Variants in PHIP observed in about 807,000 individuals in gnomAD.
PHIP encodes PHIP subunit of CUL4-Ring ligase complex, also known as PH-interacting protein.
In PHIP, 54 loss-of-function variants were observed where a neutral mutation model predicts 236.8. The observed-to-expected ratio is 0.23, with a 90% CI of 0.18 to 0.29. The LOEUF (loss-of-function observed/expected upper bound fraction) is 0.29. Ranked by LOEUF, PHIP falls within the 10% of genes least tolerant of loss-of-function variation. The pLI, the probability that PHIP is intolerant of heterozygous loss-of-function variation, is 1.00. For missense variants in PHIP, 1,370 were observed against 2,190.8 expected, an observed-to-expected ratio of 0.63 and a Z score of 7.48; for synonymous variants, 756 against 718.9, an observed-to-expected ratio of 1.05 and a Z score of -0.83.
At chr6:79,000,666 C>T (rs894901280) in intron 17 of PHIP, among the ~76,000 whole-genome samples, 1 of 152,064 alleles carries the variant, frequency 6.6e-6, no homozygotes, top group East Asian at 1.9e-4. Context: ...AGACTGAAGA[C>T]ATTTCTCTTA....
chr6:79,037,182 T>C (rs1328272537), intron 7 of PHIP, among the ~76,000 whole-genome samples: 1 of 152,116 alleles, frequency 6.6e-6, no homozygotes, highest in Non-Finnish European at 1.5e-5. Context: ...AACTGACATG[T>C]CTCATCAGGC....
At chr6:78,945,819 C>T in intron 38 of PHIP, 182 bp downstream of exon 38, 1 of 615,778 alleles carries the variant, frequency 1.6e-6, no homozygotes, top group Non-Finnish European at 2.8e-6. Flanking sequence ...TCTATAATGA[C>T]CTAAACCTCA....
intron 23 of PHIP, among the ~76,000 whole-genome samples, chr6:78,982,330 T>C (rs1282943126): frequency 2.0e-5 from 3 of 152,062 alleles, no homozygotes; most frequent in Non-Finnish European, 2.9e-5. Context: ...CTAATTGTGG[T>C]AATCAAATCA....
At chr6:79,013,680 T>C (rs1475821763) in intron 15 of PHIP, among the ~76,000 whole-genome samples, 2 of 151,684 alleles carry the variant, frequency 1.3e-5, no homozygotes, top group African/African-American at 2.4e-5. Context: ...ACTTACCTGA[T>C]AAGGGAAAAT....
At chr6:78,966,129 C>T in intron 27 of PHIP, 73 bp from the exon 28 acceptor site, 1 of 877,506 alleles carries the variant, frequency 1.1e-6, no homozygotes, top group Non-Finnish European at 1.9e-6. Context: ...CTAACGTTAA[C>T]CTTTAAGTAC....
rs781690036 is a variant in PHIP at position 79,051,185 on chromosome 6, AG to A, written c.440-8183del. ...ATTAATCTGGGAAATTATTCAACAC[AG>A]GTTGGTTTACTCCTACAGTACCATC... On this transcript the variant is annotated intron_variant, in intron 6 of 39. Coordinates refer to ENST00000275034, the MANE Select transcript of PHIP (RefSeq NM_017934.7). 1.5e-3 allele frequency among the ~76,000 whole-genome samples: 226 copies of A among 152,270 alleles called. No individual in the cohort carries two copies. The Middle Eastern group carries it at 0.017, about 11-fold the overall frequency.
At chr6:78,941,742 C>G (rs1773512355) in intron 39 of PHIP, among the ~76,000 whole-genome samples, 1 of 152,250 alleles carries the variant, frequency 6.6e-6, no homozygotes, top group African/African-American at 2.4e-5. Context: ...AAAGTCCTAT[C>G]TCCTTGTGTA....
chr6:78,988,438 T>G, intron 20 of PHIP, 89 bp from the exon 21 acceptor site: 1 of 1,007,422 alleles, frequency 9.9e-7, no homozygotes, highest in Non-Finnish European at 1.4e-6. Flanking sequence ...TTAAAAAAAT[T>G]CAAGCTGGGC....
At chr6:78,948,428 C>A (rs2127684291) in intron 35 of PHIP, among the ~76,000 whole-genome samples, 1 of 152,250 alleles carries the variant, frequency 6.6e-6, no homozygotes, top group African/African-American at 2.4e-5. Flanking sequence ...AGAAAATTAT[C>A]ATAATATGGT....
rs767618585 is a variant in PHIP at position 79,016,551 on chromosome 6, G to C, written c.1228C>G (p.Pro410Ala). The change falls in exon 13 of 40, where the codon CCA becomes GCA. Residue 410 changes from proline (P) to alanine (A), a missense_variant. By Grantham distance (27) the Pro-to-Ala change is conservative. Transcript: ENST00000275034. The stretch of plus-strand genomic sequence containing the variant: ...TCAAATTTGACCTCTTACCCTGCTG[G>C]ACGAGTAGCCATATCCAACAAAATG... The part of the protein sequence containing the change: ...KSILLDMATR[P>A]AGQNLQGIED... 1.9e-5 allele frequency: 30 copies of C among 1,602,052 alleles called. No individual in the cohort carries two copies. The Admixed American group carries it at 3.8e-4, about 21-fold the overall frequency.
In PHIP at chr6:78,936,230, T is replaced by A. The variant is rs1773267993; in HGVS notation, c.*4463A>T. 1 of 151,996 alleles carries A rather than the reference T, an allele frequency of 6.6e-6. No homozygotes were observed. Among genetic ancestry groups the A allele is most frequent in the South Asian group, 2.1e-4 (1 of 4,834 alleles). The allele number at this position is 151,996 out of a possible 1,614,324, so 9.4% of individuals were successfully genotyped here. A position where few individuals can be genotyped will look rare whatever the true frequency, so the allele number is the denominator to read the frequency against. On this transcript the variant is annotated 3_prime_UTR_variant, in exon 40 of 40. Transcript: ENST00000275034. ...CATTGTTTTCTGTACAAAATAAGCA[T>A]AATCTTAATTTGAAAATGTGTCAGT... is the stretch of plus-strand genomic sequence containing the variant.
chr6:78,972,345 C>T (rs1179431729), intron 24 of PHIP, among the ~76,000 whole-genome samples: 3 of 152,156 alleles, frequency 2.0e-5, no homozygotes, highest in African/African-American at 7.2e-5. Context: ...AACTAACAAA[C>T]AGAAAGGACA....
chr6:78,949,837 C>A (rs566887436), intron 35 of PHIP, among the ~76,000 whole-genome samples: 22 of 152,080 alleles, frequency 1.4e-4, no homozygotes, highest in African/African-American at 5.1e-4. Flanking sequence ...TATAGGTGCA[C>A]GCCACTGCAC....
chr6:79,072,764 C>G (rs1773951736), intron 4 of PHIP, among the ~76,000 whole-genome samples: 1 of 152,112 alleles, frequency 6.6e-6, no homozygotes, highest in Non-Finnish European at 1.5e-5. Context: ...CACCTGGACT[C>G]TTCTGAAGTT....
At chr6:79,042,164 G>A (rs921675563) in intron 7 of PHIP, among the ~76,000 whole-genome samples, 4 of 151,950 alleles carry the variant, frequency 2.6e-5, no homozygotes, top group African/African-American at 9.7e-5. Context: ...GAATGTAGAT[G>A]TTAAGGCACC....
chr6:79,074,402 T>C (rs1774049155), intron 4 of PHIP, among the ~76,000 whole-genome samples: 1 of 152,044 alleles, frequency 6.6e-6, no homozygotes, highest in African/African-American at 2.4e-5. Context: ...CTTAATAAAC[T>C]AACTAGATTC....
Position 79,068,800 on chromosome 6 carries a change from T to C in PHIP, c.190-7982A>G, listed in dbSNP as rs1462024549. On this transcript the variant is annotated intron_variant, in intron 4 of 39. Coordinates refer to ENST00000275034, the MANE Select transcript of PHIP (RefSeq NM_017934.7). The stretch of plus-strand genomic sequence containing the variant: ...TTTAACAACCTTTTCAAAGTGATGT[T>C]AGATCAATATATTCATTCCAATTAT... Among the ~76,000 whole-genome samples, 4 of 152,208 alleles carry C rather than the reference T, an allele frequency of 2.6e-5. No homozygotes were observed. The South Asian group carries it at 6.2e-4, about 24-fold the overall frequency.
In PHIP at chr6:79,067,635, C is replaced by T. The variant is rs537047777; in HGVS notation, c.190-6817G>A. On this transcript the variant is annotated intron_variant, in intron 4 of 39. Transcript: ENST00000275034. Reference sequence around the variant, plus strand: ...GCTTAGCTTAATGGCCTTCCAAAAACAGATCTCCTGCACAATTTACCCACA... The same window carrying T: ...GCTTAGCTTAATGGCCTTCCAAAAATAGATCTCCTGCACAATTTACCCACA... 3.9e-5 allele frequency: 6 copies of T among 152,292 alleles called. No individual in the cohort carries two copies. In the East Asian group the frequency reaches 9.7e-4, roughly 25 times the overall value. 9.4% of individuals were successfully genotyped at this position (152,292 alleles called of 1,614,324 possible). A position where few individuals can be genotyped will look rare whatever the true frequency, so the allele number is the denominator to read the frequency against.
chr6:79,035,855 CTG>C (rs1220351946), intron 7 of PHIP, among the ~76,000 whole-genome samples: 4 of 152,078 alleles, frequency 2.6e-5, no homozygotes, highest in Non-Finnish European at 5.9e-5. Flanking sequence ...TCTATCAGAC[CTG>C]TGTTTCATTT....
Sources: allele counts gnomAD v4.1 joint callset (sites outside exome capture counted in the v4.1 genomes callset), GRCh38; gene constraint gnomAD v4.1.1; transcripts MANE v1.5; gene names NCBI Gene and HGNC (gene_info 2026-07-23, HGNC 2026-07-21).